TUSC3: variants seen among roughly 807,000 people sequenced by gnomAD.
TUSC3 encodes dolichyl-diphosphooligosaccharide--protein glycosyltransferase subunit TUSC3.
TUSC3 carries 45 observed loss-of-function variants against 44.8 expected under a neutral mutation model. That is an observed-to-expected ratio of 1.00 (90% CI 0.79 to 1.29). The LOEUF (loss-of-function observed/expected upper bound fraction) is 1.29, where lower values mean the gene tolerates loss of function less well. TUSC3 is among the 50% of genes most tolerant of loss of function. The pLI is 0.00. For synonymous variants in TUSC3, 212 were observed against 152.9 expected, an observed-to-expected ratio of 1.39 and a Z score of -2.85; for missense variants, 519 against 437.9, an observed-to-expected ratio of 1.19 and a Z score of -1.65.
At chr8:15,589,870 G>A (rs1415719705) in intron 1 of TUSC3, among the ~76,000 whole-genome samples, 4 of 152,114 alleles carry the variant, frequency 2.6e-5, no homozygotes, top group Admixed American at 6.6e-5. Flanking sequence ...GGAAAAGTTC[G>A]AAATAAGTAT....
At chr8:15,820,899 T>C in the TUSC3 span, among the ~76,000 whole-genome samples, 1 of 152,190 alleles carries the variant, frequency 6.6e-6, no homozygotes, top group Non-Finnish European at 1.5e-5. Context: ...TTGCAATGTA[T>C]GTAGATGTAA....
At chr8:15,479,483 G>C (rs1431181055) in intron 1 of TUSC3, among the ~76,000 whole-genome samples, 5 of 152,136 alleles carry the variant, frequency 3.3e-5, no homozygotes, top group Non-Finnish European at 7.4e-5. Context: ...AAGGGTTTGA[G>C]TTTCAATTTT....
intron 1 of TUSC3, among the ~76,000 whole-genome samples, chr8:15,597,462 A>AT (rs567213420): frequency 1.3e-5 from 2 of 151,984 alleles, no homozygotes; most frequent in African/African-American, 4.8e-5. Flanking sequence ...ACATTGATGT[A>AT]TTTTTTCTTT....
At chr8:15,678,834 A>G (rs1245018560) in intron 6 of TUSC3, among the ~76,000 whole-genome samples, 1 of 152,106 alleles carries the variant, frequency 6.6e-6, no homozygotes, top group African/African-American at 2.4e-5. Flanking sequence ...ATATGTTCGT[A>G]TGCACCCAAG....
chr8:15,757,905 A>G, intron 10 of TUSC3, 50 bp downstream of exon 10: 2 of 1,452,034 alleles, frequency 1.4e-6, no homozygotes, highest in Non-Finnish European at 1.9e-6. Flanking sequence ...TTTTTCAAAT[A>G]TAGAGAGTAT....
At chr8:15,825,124 T>C in the TUSC3 span, among the ~76,000 whole-genome samples, 1 of 152,206 alleles carries the variant, frequency 6.6e-6, no homozygotes, top group Non-Finnish European at 1.5e-5. Context: ...CCAGAAATTA[T>C]GGTCAGTGCC....
chr8:15,635,459 G>C (rs1806024015), intron 2 of TUSC3, among the ~76,000 whole-genome samples: 1 of 152,150 alleles, frequency 6.6e-6, no homozygotes, highest in South Asian at 2.1e-4. Flanking sequence ...CTTATGTTTT[G>C]GTGGCTTTTG....
the TUSC3 span, among the ~76,000 whole-genome samples, chr8:15,840,682 A>G: frequency 1.3e-5 from 2 of 152,328 alleles, no homozygotes; most frequent in Admixed American, 1.3e-4. Flanking sequence ...AGAAAGTCTC[A>G]GAATAAATAG....
chr8:15,842,233 C>T, the TUSC3 span, among the ~76,000 whole-genome samples: 13 of 152,096 alleles, frequency 8.5e-5, no homozygotes, highest in Non-Finnish European at 1.6e-4. Flanking sequence ...TGAATCCTTC[C>T]GACTTGGGTT....
rs144992299 is a variant in TUSC3 at position 15,458,242 on chromosome 8, C to A, written n.92-25144C>A. ...ATAAAGTGCTTACATATGCTTCTTT[C>A]TTTTTTTTCTTTTTAAGACAAGGTC... On this transcript the variant is annotated intron_variant and non_coding_transcript_variant, in intron 1 of 5. Coordinates refer to the TUSC3 transcript ENST00000503191. Among the ~76,000 whole-genome samples the A allele has an allele frequency of 2.0e-4, 31 of 151,936 alleles. No homozygotes were observed. In the East Asian group the frequency reaches 5.4e-3, roughly 27 times the overall value.
chr8:15,583,233 A>T (rs1440045415), intron 1 of TUSC3, among the ~76,000 whole-genome samples: 1 of 152,216 alleles, frequency 6.6e-6, no homozygotes, highest in Non-Finnish European at 1.5e-5. Flanking sequence ...GCCATGTAAG[A>T]CATTAAACAT....
intron 2 of TUSC3, among the ~76,000 whole-genome samples, chr8:15,523,986 G>A (rs1005623101): frequency 6.7e-6 from 1 of 150,120 alleles, no homozygotes; most frequent in Non-Finnish European, 1.5e-5. Flanking sequence ...AACCCAGAAG[G>A]TGCAGGTTGC....
Position 15,759,204 on chromosome 8 carries a change from C to T in TUSC3, c.*46+1349C>T, listed in dbSNP as rs115252014. Among the ~76,000 whole-genome samples the T allele has an allele frequency of 5.4e-4, 82 of 152,176 alleles. 1 individual carries two copies. The highest frequency in any genetic ancestry group is 1.7e-3 in the African/African-American group (72 of 41,536). On this transcript the variant is annotated intron_variant, in intron 10 of 10. Transcript: ENST00000503731. ...AGTGAACAACCCAGACCTTTTTTCC[C>T]GTTTGCACCTTTTTTGGATACCAAA... is the stretch of plus-strand genomic sequence containing the variant.
chr8:15,426,933 T>C (rs1260838745), intron 1 of TUSC3, among the ~76,000 whole-genome samples: 1 of 152,214 alleles, frequency 6.6e-6, no homozygotes, highest in Non-Finnish European at 1.5e-5. Context: ...GAAAAGATAA[T>C]TGTAGCTTTC....
chr8:15,640,225 A>G (rs765086212), intron 2 of TUSC3, among the ~76,000 whole-genome samples: 2 of 152,232 alleles, frequency 1.3e-5, no homozygotes, highest in Non-Finnish European at 2.9e-5. Flanking sequence ...TGAATCTGTA[A>G]TGAACCTCCC....
intron 1 of TUSC3, among the ~76,000 whole-genome samples, chr8:15,427,047 T>G (rs1021636484): frequency 6.6e-6 from 1 of 151,916 alleles, no homozygotes; most frequent in African/African-American, 2.4e-5. Flanking sequence ...TTACCCATTT[T>G]TAAATTAGTT....
chr8:15,712,753 A>G lies in TUSC3; in HGVS notation c.799-17913A>G, dbSNP rs182783315. On this transcript the variant is annotated intron_variant, in intron 6 of 10. Transcript: ENST00000503731. ...AATACATTCCACAGTGTTTGCTCCT[A>G]AAGTTTCTCACCTGCACACCTTTAT... 3.9e-5 allele frequency among the ~76,000 whole-genome samples: 6 copies of G among 152,246 alleles called. No homozygotes were observed. In the East Asian group the frequency reaches 1.2e-3, roughly 29 times the overall value.
At chr8:15,515,682 T>A (rs115424545) in intron 2 of TUSC3, among the ~76,000 whole-genome samples, 5,018 of 152,178 alleles carry the variant, frequency 0.033, 242 homozygotes, top group African/African-American at 0.11. Flanking sequence ...ATACATATTT[T>A]TTTGAGACGG....
intron 3 of TUSC3, among the ~76,000 whole-genome samples, chr8:15,655,077 G>C (rs74520909): frequency 0.018 from 2,750 of 152,270 alleles, 31 homozygotes; most frequent in Middle Eastern, 0.034. Flanking sequence ...GACATGAGCA[G>C]GGCAGGAGAG....
Sources: gnomAD v4.1 joint callset for allele counts (sites outside exome capture counted in the v4.1 genomes callset) on GRCh38, gnomAD v4.1.1 for gene constraint, MANE v1.5 for transcripts, NCBI Gene and HGNC (gene_info 2026-07-23, HGNC 2026-07-21) for gene names.